The following ZNF709 variants were observed in gnomAD, a reference collection of about 807,000 sequenced individuals.
ZNF709 encodes zinc finger protein 709.
In ZNF709, 15 loss-of-function variants were observed where a neutral mutation model predicts 10.6. The observed-to-expected ratio is 1.41, with a 90% CI of 0.95 to 2.18. The LOEUF is 2.18. Ranked by LOEUF, ZNF709 falls within the 30% of genes most tolerant of loss-of-function variation. The pLI, the probability that ZNF709 is intolerant of heterozygous loss-of-function variation, is 0.00. For synonymous variants in ZNF709, 194 were observed against 238.8 expected (o/e 0.81, Z 1.73); for missense variants, 589 against 774.0 (o/e 0.76, Z 2.84).
chr19:12,468,902 G>A (rs901133551), intron 1 of ZNF709, among the ~76,000 whole-genome samples: 2 of 151,570 alleles, frequency 1.3e-5, no homozygotes, highest in African/African-American at 4.9e-5. Flanking sequence ...GTGCAGTGGC[G>A]CGATCTCAGC....
intron 1 of ZNF709, among the ~76,000 whole-genome samples, chr19:12,472,834 G>C (rs999853285): frequency 6.6e-6 from 1 of 151,760 alleles, no homozygotes; most frequent in Admixed American, 6.6e-5. Context: ...AGTGAGCCAC[G>C]ATCGCGCCAC....
At chr19:12,474,852 A>C (rs932219767) in intron 1 of ZNF709, among the ~76,000 whole-genome samples, 1 of 152,220 alleles carries the variant, frequency 6.6e-6, no homozygotes, top group East Asian at 1.9e-4. Flanking sequence ...ATTCTTATAC[A>C]TAATGGTGGT....
chr19:12,480,114 C>T (rs545243591), intron 1 of ZNF709, among the ~76,000 whole-genome samples: 252 of 151,800 alleles, frequency 1.7e-3, no homozygotes, highest in African/African-American at 5.7e-3. Context: ...ATGATTGTGC[C>T]ACTGTACTCT....
At position 12,466,780 on chromosome 19, in the gene ZNF709, T is replaced by C; in HGVS notation, c.74A>G (p.Gln25Arg). The change falls in exon 2 of 4, where the codon CAG becomes CGG. Residue 25 changes from glutamine to arginine, a missense_variant. By Grantham distance (43) the Gln-to-Arg change is conservative. This residue lies in a region of ZNF709 where 418 missense variants were observed against 496.3 expected (regional missense o/e 0.84). Transcript: ENST00000397732. ...CATCACATCTCTGTAGAGTTTCTTC[T>C]GAGAGGGACCCAGCAAAGCCCACTC... ...QEEWALLGPS[Q>R]KKLYRDVMQE... is the part of the protein sequence containing the mutation. 1 of 1,614,062 alleles carries C rather than the reference T, an allele frequency of 6.2e-7. No homozygotes were observed. The highest frequency in any genetic ancestry group is 8.5e-7 in the Non-Finnish European group (1 of 1,179,970).
chr19:12,466,092 C>A (rs1056363266), intron 3 of ZNF709, among the ~76,000 whole-genome samples: 3 of 152,072 alleles, frequency 2.0e-5, no homozygotes, highest in African/African-American at 7.2e-5. Context: ...AGGTACCCAC[C>A]ACCACACCTG....
chr19:12,484,554 G>A, intron 1 of ZNF709, 101 bp downstream of exon 1: 2 of 1,528,608 alleles, frequency 1.3e-6, no homozygotes, highest in South Asian at 1.2e-5. Flanking sequence ...ACAGACCCGG[G>A]AGACAACGGC....
In ZNF709 at chr19:12,465,343, C is replaced by A; in HGVS notation, c.579G>T (p.Glu193Asp). 6.2e-7 allele frequency: 1 copy of A among 1,613,202 alleles called. No homozygotes were observed. Reference sequence around the variant, plus strand: ...CACATTCCTTACATTCATAAGGTTTCTCTCCAGTATGAGTTCTTTCATGTA... The same window carrying A: ...CACATTCCTTACATTCATAAGGTTTATCTCCAGTATGAGTTCTTTCATGTA... ...FQIHERTHTG[E>D]KPYECKECGK... Residue 193 changes from glutamate to aspartate, a missense_variant, in exon 4 of 4, where the codon GAG becomes GAT. Coordinates refer to ENST00000397732, the MANE Select transcript of ZNF709 (RefSeq NM_152601.4).
chr19:12,466,926 G>T, intron 1 of ZNF709, 76 bp from the exon 2 acceptor site: 3 of 1,508,538 alleles, frequency 2.0e-6, no homozygotes, highest in South Asian at 2.7e-5. Flanking sequence ...TTCATTAAAA[G>T]TTCATATATA....
At chr19:12,474,560 C>T (rs1970661483) in intron 1 of ZNF709, among the ~76,000 whole-genome samples, 1 of 152,190 alleles carries the variant, frequency 6.6e-6, no homozygotes, top group South Asian at 2.1e-4. Context: ...AGTGCTGGAT[C>T]ATGTAGCAAT....
Position 12,463,891 on chromosome 19 carries a change from C to G in ZNF709, c.*105G>C. 1 of 1,011,758 alleles carries G rather than the reference C, an allele frequency of 9.9e-7. No homozygotes were observed. Among genetic ancestry groups the G allele is most frequent in the Non-Finnish European group, 1.3e-6 (1 of 743,036 alleles). The allele number at this position is 1,011,758 out of a possible 1,614,324, so 62.7% of individuals were successfully genotyped here. ...GCAGTGAGCTGAGATCACTCTACTGCACTCCAGCCAGGGCAACAGAGTGAG... is the reference window on the plus strand; with the variant it reads ...GCAGTGAGCTGAGATCACTCTACTGGACTCCAGCCAGGGCAACAGAGTGAG... On this transcript the variant is annotated 3_prime_UTR_variant, in exon 4 of 4. Coordinates refer to ENST00000397732, the MANE Select transcript of ZNF709 (RefSeq NM_152601.4).
rs1267423371 is a variant in ZNF709 at position 12,464,114 on chromosome 19, A to G, written c.1808T>C (p.Phe603Ser). Residue 603 changes from phenylalanine to serine, a missense_variant, in exon 4 of 4, where the codon TTT (phenylalanine) becomes TCT (serine). Transcript: ENST00000397732. ...CDKAFSCSRS[F>S]RIHERTHTGE... ...AGTGTGAGTTCGTTCATGGATTCGAAAGGAACGTGAGCAACTGAAGGCTTT... is the reference window on the plus strand; with the variant it reads ...AGTGTGAGTTCGTTCATGGATTCGAGAGGAACGTGAGCAACTGAAGGCTTT... 1 of 1,563,662 alleles carries G rather than the reference A, an allele frequency of 6.4e-7. No homozygotes were observed. The highest frequency in any genetic ancestry group is 8.6e-7 in the Non-Finnish European group (1 of 1,160,110).
chr19:12,482,423 C>T (rs1450807362), intron 1 of ZNF709, among the ~76,000 whole-genome samples: 1 of 152,066 alleles, frequency 6.6e-6, no homozygotes, highest in African/African-American at 2.4e-5. Context: ...CCACACATTC[C>T]CTCACCCCTG....
At chr19:12,483,401 G>A (rs1325460862) in intron 1 of ZNF709, among the ~76,000 whole-genome samples, 1 of 148,636 alleles carries the variant, frequency 6.7e-6, no homozygotes. Flanking sequence ...CGATCCTCCT[G>A]ACTCAGCCTC....
chr19:12,464,111 C>T lies in ZNF709; in HGVS notation c.1811G>A (p.Arg604Gln), dbSNP rs202113977. ...TCCAGTGTGAGTTCGTTCATGGATTCGAAAGGAACGTGAGCAACTGAAGGC... is the reference window on the plus strand; with the variant it reads ...TCCAGTGTGAGTTCGTTCATGGATTTGAAAGGAACGTGAGCAACTGAAGGC... ...DKAFSCSRSF[R>Q]IHERTHTGEK... Residue 604 changes from arginine to glutamine, a missense_variant, in exon 4 of 4, where the codon CGA becomes CAA. Coordinates refer to ENST00000397732, the MANE Select transcript of ZNF709 (RefSeq NM_152601.4). 180 of 1,560,118 alleles carry T rather than the reference C, an allele frequency of 1.2e-4. 1 individual carries two copies. The East Asian group carries it at 3.0e-3, about 26-fold the overall frequency.
At chr19:12,478,266 A>C (rs1970692801) in intron 1 of ZNF709, among the ~76,000 whole-genome samples, 1 of 152,194 alleles carries the variant, frequency 6.6e-6, no homozygotes. Context: ...TAAAACACAC[A>C]GATAAGTCCA....
At chr19:12,467,070 T>C (rs1445890813) in intron 1 of ZNF709, among the ~76,000 whole-genome samples, 1 of 152,214 alleles carries the variant, frequency 6.6e-6, no homozygotes, top group African/African-American at 2.4e-5. Flanking sequence ...CTTCAAGTCT[T>C]ATGCTCTCCA....
intron 3 of ZNF709, 23 bp from the exon 4 acceptor site, chr19:12,465,756 A>C: frequency 1.4e-6 from 2 of 1,466,948 alleles, no homozygotes; most frequent in Non-Finnish European, 1.8e-6. Flanking sequence ...AACAAAACAA[A>C]ACGCACAATT....
Position 12,464,784 on chromosome 19 carries a change from G to C in ZNF709, c.1138C>G (p.Gln380Glu). 6.2e-7 allele frequency: 1 copy of C among 1,613,588 alleles called. No homozygotes were observed. The highest frequency in any genetic ancestry group is 8.5e-7 in the Non-Finnish European group (1 of 1,179,744). Reference protein sequence around the residue: ...GKAFDCPSSFQIHERTHTGEK... With the variant: ...GKAFDCPSSFEIHERTHTGEK... ...CCAGTGTGAGTTCGTTCATGGATTTGAAAAGAACTAGGACAATCAAAGGCT... is the reference window on the plus strand; with the variant it reads ...CCAGTGTGAGTTCGTTCATGGATTTCAAAAGAACTAGGACAATCAAAGGCT... The change falls in exon 4 of 4, where the codon CAA (glutamine) becomes GAA (glutamate). Residue 380 changes from glutamine (Q) to glutamate (E), a missense_variant. Coordinates refer to ENST00000397732, the MANE Select transcript of ZNF709 (RefSeq NM_152601.4).
In ZNF709 at chr19:12,464,145, A is replaced by G; in HGVS notation, c.1777T>C (p.Cys593Arg). 6.4e-7 allele frequency: 1 copy of G among 1,568,140 alleles called. No individual in the cohort carries two copies. The highest frequency in any genetic ancestry group is 8.6e-7 in the Non-Finnish European group (1 of 1,162,268). ...CGTGAGCAACTGAAGGCTTTGTCACATTGTTTACATTCATAGGGTTTCACT... is the reference window on the plus strand; with the variant it reads ...CGTGAGCAACTGAAGGCTTTGTCACGTTGTTTACATTCATAGGGTTTCACT... The part of the protein sequence containing the change: ...TGVKPYECKQ[C>R]DKAFSCSRSF... Residue 593 changes from cysteine to arginine, a missense_variant, in exon 4 of 4, where the codon TGT (cysteine) becomes CGT (arginine). This residue lies in a region of ZNF709 where 171 missense variants were observed against 277.7 expected (regional missense o/e 0.62). Transcript: ENST00000397732.
Sources: allele counts gnomAD v4.1 joint callset (sites outside exome capture counted in the v4.1 genomes callset), GRCh38; gene constraint gnomAD v4.1.1; regional missense constraint gnomAD v4.1.1; transcripts MANE v1.5; gene names NCBI Gene and HGNC (gene_info 2026-07-23, HGNC 2026-07-21).